The following SPECC1 variants were observed in gnomAD, a reference collection of about 807,000 sequenced individuals.
The protein encoded by SPECC1 is cytospin-B.
In SPECC1, 62 loss-of-function variants were observed where a neutral mutation model predicts 104.1. The ratio of observed to expected loss-of-function variants is 0.60; its 90% CI spans 0.49 to 0.74. The LOEUF (loss-of-function observed/expected upper bound fraction) is 0.74, where lower values mean the gene tolerates loss of function less well. Among genes scored for constraint, SPECC1 ranks in the 30% least tolerant of loss-of-function variants. The probability of loss-of-function intolerance (pLI) is 0.00; values close to 1 mark genes in which losing one functional copy is unlikely to be tolerated. For missense variants in SPECC1, 1,306 were observed against 1,310.5 expected, an observed-to-expected ratio of 1.00 and a Z score of 0.05; for synonymous variants, 513 against 501.6, an observed-to-expected ratio of 1.02 and a Z score of -0.30.
At chr17:20,070,741 C>T (rs2046518140) in intron 1 of SPECC1, among the ~76,000 whole-genome samples, 1 of 152,044 alleles carries the variant, frequency 6.6e-6, no homozygotes, top group African/African-American at 2.4e-5. Context: ...GGATACATTC[C>T]TACAAATGGA....
intron 1 of SPECC1, among the ~76,000 whole-genome samples, chr17:20,082,112 C>G (rs2046998114): frequency 6.6e-6 from 1 of 152,214 alleles, no homozygotes; most frequent in Non-Finnish European, 1.5e-5. Context: ...ACAACTTCCA[C>G]CGTGCTCGCG....
At chr17:20,209,761 G>C (rs201463707) in intron 4 of SPECC1, among the ~76,000 whole-genome samples, 26 of 152,084 alleles carry the variant, frequency 1.7e-4, no homozygotes, top group East Asian at 5.8e-4. Flanking sequence ...GGAGTTGTAT[G>C]GGATTGTTGT....
intron 13 of SPECC1, 138 bp from the exon 14 acceptor site, chr17:20,305,885 A>T: frequency 1.5e-6 from 1 of 678,864 alleles, no homozygotes; most frequent in Non-Finnish European, 2.3e-6. Context: ...ACTGAGATCA[A>T]ATATTGTACA....
chr17:20,172,759 C>T (rs765038200), intron 3 of SPECC1, among the ~76,000 whole-genome samples: 4 of 152,122 alleles, frequency 2.6e-5, no homozygotes, highest in African/African-American at 4.8e-5. Context: ...TCTGCTTTAC[C>T]CCTCAAGGCT....
intron 1 of SPECC1, among the ~76,000 whole-genome samples, chr17:20,049,695 TTC>T (rs1384652628): frequency 6.6e-6 from 1 of 152,198 alleles, no homozygotes; most frequent in African/African-American, 2.4e-5. Flanking sequence ...GTAGGTGATT[TTC>T]TCTTTTATAA....
intron 13 of SPECC1, among the ~76,000 whole-genome samples, chr17:20,304,295 AAG>A (rs2142131231): frequency 6.6e-6 from 1 of 151,898 alleles, no homozygotes; most frequent in African/African-American, 2.4e-5. Flanking sequence ...ATCTCAAAAA[AAG>A]GAAATTTCAC....
At chr17:20,037,933 A>G (rs1015468904) in intron 1 of SPECC1, among the ~76,000 whole-genome samples, 11 of 152,100 alleles carry the variant, frequency 7.2e-5, no homozygotes, top group East Asian at 5.8e-4. Flanking sequence ...TACAAATTCA[A>G]TTTTCTCAGT....
chr17:20,088,735 A>G (rs2047280800), intron 1 of SPECC1, among the ~76,000 whole-genome samples: 1 of 152,128 alleles, frequency 6.6e-6, no homozygotes, highest in Middle Eastern at 3.2e-3. Context: ...CCGTCATTTA[A>G]TTTGGTGGAT....
chr17:20,053,570 C>G (rs902759941), intron 1 of SPECC1, among the ~76,000 whole-genome samples: 2 of 152,242 alleles, frequency 1.3e-5, no homozygotes, highest in Non-Finnish European at 2.9e-5. Context: ...TCCTTGCTCT[C>G]TCTCTCAGAT....
intron 14 of SPECC1, among the ~76,000 whole-genome samples, chr17:20,309,897 A>C (rs955301997): frequency 2.1e-5 from 3 of 146,068 alleles, no homozygotes; most frequent in Non-Finnish European, 4.5e-5. Context: ...GGCTCACTGC[A>C]ACCTCCGACT....
intron 1 of SPECC1, among the ~76,000 whole-genome samples, chr17:20,032,094 C>T (rs957880463): frequency 3.9e-5 from 6 of 152,018 alleles, no homozygotes; most frequent in Admixed American, 1.3e-4. Context: ...TTCATTGTTT[C>T]TGATGAGAGG....
At chr17:20,309,278 T>A (rs949875988) in intron 14 of SPECC1, among the ~76,000 whole-genome samples, 18 of 152,236 alleles carry the variant, frequency 1.2e-4, no homozygotes, top group Admixed American at 6.5e-4. Flanking sequence ...ACAGCAGTAA[T>A]CCCCAAATCT....
At chr17:20,081,686 A>G (rs1343068222) in intron 1 of SPECC1, among the ~76,000 whole-genome samples, 1 of 151,950 alleles carries the variant, frequency 6.6e-6, no homozygotes, top group Admixed American at 6.6e-5. Flanking sequence ...CTGGACTGGG[A>G]TCTGTCCGGA....
intron 3 of SPECC1, among the ~76,000 whole-genome samples, chr17:20,177,950 C>T (rs962337757): frequency 2.6e-5 from 4 of 151,972 alleles, no homozygotes; most frequent in African/African-American, 7.3e-5. Flanking sequence ...CCTCGTGATC[C>T]GCCTGCCTCG....
At chr17:20,204,184 G>T (rs2036612726) in intron 3 of SPECC1, 149 bp from the exon 4 acceptor site, 5 of 1,021,546 alleles carry the variant, frequency 4.9e-6, no homozygotes, top group Non-Finnish European at 5.6e-6. Context: ...AGAAACCACA[G>T]TCAGAACTGG....
chr17:20,025,426 T>A (rs762066982), intron 1 of SPECC1, among the ~76,000 whole-genome samples: 1 of 152,234 alleles, frequency 6.6e-6, no homozygotes, highest in Non-Finnish European at 1.5e-5. Flanking sequence ...TCTCTATAGA[T>A]TTCCCTATTC....
At chr17:20,312,396 T>C (rs546512864) in intron 14 of SPECC1, among the ~76,000 whole-genome samples, 3 of 152,382 alleles carry the variant, frequency 2.0e-5, no homozygotes, top group East Asian at 3.9e-4. Flanking sequence ...AGTTCAGTTA[T>C]GAAGTTCAAG....
In SPECC1 at chr17:20,156,139, G is replaced by A. The variant is rs1460040122; in HGVS notation, c.283+45577G>A. On this transcript the variant is annotated intron_variant, in intron 3 of 14. Coordinates refer to ENST00000395527, the MANE Select transcript of SPECC1 (RefSeq NM_001243439.2). ...GCCAGCCGGAGCCAGCGCGAGCTCG[G>A]CACGGTGGACACCCGGTCCGAGGCC... 9 of 1,408,660 alleles carry A rather than the reference G, an allele frequency of 6.4e-6. No homozygotes were observed. The South Asian group carries it at 7.8e-5, about 12-fold the overall frequency. 87.3% of individuals were successfully genotyped at this position (1,408,660 alleles called of 1,614,324 possible). A position where few individuals can be genotyped will look rare whatever the true frequency, so the allele number is the denominator to read the frequency against.
chr17:20,082,009 A>G (rs2046994065), intron 1 of SPECC1, among the ~76,000 whole-genome samples: 1 of 152,156 alleles, frequency 6.6e-6, no homozygotes, highest in Non-Finnish European at 1.5e-5. Context: ...CAGTCAAGAC[A>G]GGGAAAAGGC....
Sources: gnomAD v4.1 joint callset for allele counts (sites outside exome capture counted in the v4.1 genomes callset) on GRCh38, gnomAD v4.1.1 for gene constraint, MANE v1.5 for transcripts, NCBI Gene and HGNC (gene_info 2026-07-23, HGNC 2026-07-21) for gene names.